ADCK1: variants seen among roughly 807,000 people sequenced by gnomAD.
The protein encoded by ADCK1 is aarF domain containing kinase 1.
In ADCK1, 41 loss-of-function variants were observed where a neutral mutation model predicts 52.3. The ratio of observed to expected loss-of-function variants is 0.78; its 90% confidence interval spans 0.61 to 1.02. The LOEUF is 1.02. Ranked by LOEUF, ADCK1 falls within the 50% of genes least tolerant of loss-of-function variation. The probability of loss-of-function intolerance (pLI) is 0.00; values close to 1 mark genes in which losing one functional copy is unlikely to be tolerated. For synonymous variants in ADCK1, 250 were observed against 274.6 expected (o/e 0.91, Z 0.89); for missense variants, 658 against 679.5 (o/e 0.97, Z 0.35).
intron 4 of ADCK1, among the ~76,000 whole-genome samples, chr14:77,869,057 G>T (rs1328999547): frequency 6.6e-6 from 1 of 152,158 alleles, no homozygotes; most frequent in Non-Finnish European, 1.5e-5. Context: ...AATTCTGAGG[G>T]CACACAGGGT....
chr14:77,857,593 C>T (rs2082447326), intron 3 of ADCK1, among the ~76,000 whole-genome samples: 1 of 152,118 alleles, frequency 6.6e-6, no homozygotes, highest in South Asian at 2.1e-4. Context: ...ATCACATGTT[C>T]TCTCTTACAT....
intron 1 of ADCK1, among the ~76,000 whole-genome samples, chr14:77,816,165 A>G (rs1413933188): frequency 6.6e-6 from 1 of 152,016 alleles, no homozygotes; most frequent in African/African-American, 2.4e-5. Flanking sequence ...TGTTCCTCTG[A>G]TTATACTTTA....
At chr14:77,861,006 G>A (rs1425076482) in intron 4 of ADCK1, among the ~76,000 whole-genome samples, 1 of 152,096 alleles carries the variant, frequency 6.6e-6, no homozygotes, top group Non-Finnish European at 1.5e-5. Context: ...GAAGTTTGGA[G>A]TGTCAGCAGT....
chr14:77,807,658 T>C (rs1274264885), intron 1 of ADCK1, among the ~76,000 whole-genome samples: 2 of 150,446 alleles, frequency 1.3e-5, no homozygotes, highest in Non-Finnish European at 3.0e-5. Context: ...TACAGGCATG[T>C]GCCACCACGC....
At chr14:77,818,560 A>T (rs1054798375) in intron 1 of ADCK1, among the ~76,000 whole-genome samples, 4 of 152,136 alleles carry the variant, frequency 2.6e-5, no homozygotes, top group African/African-American at 9.7e-5. Flanking sequence ...GGTATTACAG[A>T]CATAAGCCAC....
intron 10 of ADCK1, among the ~76,000 whole-genome samples, chr14:77,932,156 C>T (rs1271476424): frequency 6.6e-6 from 1 of 152,070 alleles, no homozygotes; most frequent in Non-Finnish European, 1.5e-5. Context: ...TCAAGCGATT[C>T]TCCTGCCTCA....
chr14:77,918,392 G>A (rs940470243), intron 7 of ADCK1, among the ~76,000 whole-genome samples: 2 of 152,096 alleles, frequency 1.3e-5, no homozygotes, highest in African/African-American at 4.8e-5. Flanking sequence ...TGCCTTAATC[G>A]TCTGCTTAAG....
At position 77,924,043 on chromosome 14, in the gene ADCK1, G is replaced by A. The variant is rs182225922; in HGVS notation, c.859-414G>A. The A allele has an allele frequency of 1.2e-3, 189 of 162,088 alleles. 1 individual carries two copies. Among genetic ancestry groups the A allele is most frequent in the Middle Eastern group, 3.0e-3 (1 of 330 alleles). The allele number at this position is 162,088 out of a possible 1,614,324, so 10.0% of individuals were successfully genotyped here. A position where few individuals can be genotyped will look rare whatever the true frequency, so the allele number is the denominator to read the frequency against. ...CCTGTTCTTTGGAGAAGGGGTGAGT[G>A]GAATGACTCCCTCAGCCCAGCTGTT... On this transcript the variant is annotated intron_variant, in intron 7 of 10. Coordinates refer to ENST00000238561, the MANE Select transcript of ADCK1 (RefSeq NM_020421.4).
intron 3 of ADCK1, among the ~76,000 whole-genome samples, chr14:77,829,587 G>A (rs1385255258): frequency 6.6e-6 from 1 of 151,430 alleles, no homozygotes; most frequent in South Asian, 2.1e-4. Flanking sequence ...ATGAGCCACC[G>A]TATCTGGGCA....
At chr14:77,920,358 G>A (rs1239394526) in intron 7 of ADCK1, among the ~76,000 whole-genome samples, 1 of 152,168 alleles carries the variant, frequency 6.6e-6, no homozygotes, top group Non-Finnish European at 1.5e-5. Flanking sequence ...TGAAGAGGGT[G>A]TCGTTTTCCA....
chr14:77,921,873 A>T (rs1039796837), intron 7 of ADCK1, among the ~76,000 whole-genome samples: 2 of 152,082 alleles, frequency 1.3e-5, no homozygotes, highest in Non-Finnish European at 2.9e-5. Context: ...GGGGGCCCAG[A>T]GCGATTAGCA....
chr14:77,876,276 T>C (rs549099883), intron 4 of ADCK1, among the ~76,000 whole-genome samples: 2 of 152,346 alleles, frequency 1.3e-5, no homozygotes, highest in African/African-American at 4.8e-5. Context: ...CCTTCATCTT[T>C]ACAGCCAGTG....
chr14:77,919,830 A>C, intron 7 of ADCK1, among the ~76,000 whole-genome samples: 1 of 152,036 alleles, frequency 6.6e-6, no homozygotes, highest in South Asian at 2.1e-4. Context: ...TTCCCTGATC[A>C]TTAGTGACGT....
At chr14:77,888,228 G>A (rs2083204229) in intron 5 of ADCK1, among the ~76,000 whole-genome samples, 1 of 152,108 alleles carries the variant, frequency 6.6e-6, no homozygotes, top group Admixed American at 6.5e-5. Flanking sequence ...GCGGGTGTGA[G>A]GGCCTGACTG....
chr14:77,823,603 T>C (rs200481004), intron 3 of ADCK1, among the ~76,000 whole-genome samples: 4 of 117,396 alleles, frequency 3.4e-5, no homozygotes, highest in Admixed American at 9.0e-5. Flanking sequence ...TTTATTTATT[T>C]ATTCCATCAC....
intron 5 of ADCK1, among the ~76,000 whole-genome samples, chr14:77,895,637 T>G (rs978622779): frequency 6.6e-6 from 1 of 152,326 alleles, no homozygotes. Context: ...GTGGGCTAAG[T>G]AGATTCATTT....
At chr14:77,861,082 C>A (rs754194508) in intron 4 of ADCK1, among the ~76,000 whole-genome samples, 1 of 152,140 alleles carries the variant, frequency 6.6e-6, no homozygotes, top group Non-Finnish European at 1.5e-5. Flanking sequence ...ATCTTCAGGG[C>A]CCCTTCTCCA....
intron 4 of ADCK1, among the ~76,000 whole-genome samples, chr14:77,865,119 T>TA (rs976030025): frequency 2.0e-4 from 28 of 139,188 alleles, no homozygotes; most frequent in African/African-American, 4.9e-4. Flanking sequence ...CCATCTCTGT[T>TA]AAAAAAAAAA....
intron 4 of ADCK1, among the ~76,000 whole-genome samples, chr14:77,883,546 T>G (rs1441825439): frequency 6.6e-6 from 1 of 152,184 alleles, no homozygotes; most frequent in African/African-American, 2.4e-5. Context: ...AGCACCAATC[T>G]TTAATTACCT....
Sources: gnomAD v4.1 joint callset for allele counts (sites outside exome capture counted in the v4.1 genomes callset) on GRCh38, gnomAD v4.1.1 for gene constraint, MANE v1.5 for transcripts, NCBI Gene and HGNC (gene_info 2026-07-23, HGNC 2026-07-21) for gene names.